BBX: variants seen among roughly 807,000 people sequenced by gnomAD.
BBX encodes HMG box transcription factor BBX.
BBX carries 30 observed loss-of-function variants against 100.2 expected under a neutral mutation model. That is an observed-to-expected ratio of 0.30 (90% CI 0.22 to 0.41). BBX has a LOEUF of 0.41. BBX is among the 10% of genes least tolerant of loss of function. The pLI is 1.00. For synonymous variants in BBX, 376 were observed against 388.1 expected (o/e 0.97, Z 0.37); for missense variants, 1,023 against 1,129.8 (o/e 0.91, Z 1.35).
chr3:107,576,897 T>TCC (rs2051822734), intron 2 of BBX, among the ~76,000 whole-genome samples: 1 of 152,170 alleles, frequency 6.6e-6, no homozygotes, highest in South Asian at 2.1e-4. Flanking sequence ...AGTCTCACTC[T>TCC]GTCTCCAGGC....
intron 15 of BBX, among the ~76,000 whole-genome samples, chr3:107,794,978 T>C (rs971695487): frequency 1.3e-5 from 2 of 152,190 alleles, no homozygotes; most frequent in African/African-American, 4.8e-5. Context: ...GCACCAAGTG[T>C]GTTATGGTTA....
At chr3:107,602,147 A>G (rs530581555) in intron 2 of BBX, among the ~76,000 whole-genome samples, 173 of 152,264 alleles carry the variant, frequency 1.1e-3, no homozygotes, top group African/African-American at 4.1e-3. Flanking sequence ...TCCTTTCAAA[A>G]TGTTTCTGCT....
chr3:107,596,126 T>C (rs553828738), intron 2 of BBX, among the ~76,000 whole-genome samples: 6 of 152,316 alleles, frequency 3.9e-5, no homozygotes, highest in Non-Finnish European at 7.3e-5. Flanking sequence ...CCTATATTGT[T>C]TAAGGGTCAA....
intron 2 of BBX, among the ~76,000 whole-genome samples, chr3:107,583,189 C>T (rs1029894547): frequency 6.6e-6 from 1 of 151,702 alleles, no homozygotes; most frequent in East Asian, 1.9e-4. Flanking sequence ...ATACAGAGGA[C>T]CTTCAGTGTT....
chr3:107,778,604 T>C (rs1227598751), intron 13 of BBX, 85 bp downstream of exon 13: 2 of 1,430,848 alleles, frequency 1.4e-6, no homozygotes, highest in East Asian at 4.6e-5. Flanking sequence ...TTTAGACATA[T>C]CATTGGATTT....
At chr3:107,560,903 AGAAG>A (rs2050444580) in intron 2 of BBX, among the ~76,000 whole-genome samples, 1 of 152,246 alleles carries the variant, frequency 6.6e-6, no homozygotes, top group Non-Finnish European at 1.5e-5. Context: ...CCAAATTAAA[AGAAG>A]GGAGAGACTG....
At chr3:107,610,440 G>A (rs539193566) in intron 2 of BBX, among the ~76,000 whole-genome samples, 1 of 151,990 alleles carries the variant, frequency 6.6e-6, no homozygotes, top group Non-Finnish European at 1.5e-5. Context: ...TGAAAGTGGG[G>A]TGTTGAAGTC....
At chr3:107,598,112 T>C (rs1388506199) in intron 2 of BBX, among the ~76,000 whole-genome samples, 1 of 152,180 alleles carries the variant, frequency 6.6e-6, no homozygotes, top group Non-Finnish European at 1.5e-5. Flanking sequence ...CTTCCAGAAG[T>C]TTGCTTATCC....
intron 5 of BBX, among the ~76,000 whole-genome samples, chr3:107,719,853 C>A (rs890008392): frequency 2.0e-5 from 3 of 151,982 alleles, no homozygotes; most frequent in Non-Finnish European, 4.4e-5. Context: ...TTTTTGCCTG[C>A]AATACTGCTG....
Position 107,627,668 on chromosome 3 carries a change from A to G in BBX, c.-83-18168A>G, listed in dbSNP as rs375225743. On this transcript the variant is annotated intron_variant, in intron 2 of 17. Transcript: ENST00000325805. ...CTTTCTCTAAGTTTAACTAGGTTCA[A>G]TTTTTTTTTTCTTTTCTAAATTGAC... 3.0e-4 allele frequency among the ~76,000 whole-genome samples: 45 copies of G among 150,038 alleles called. 1 individual carries two copies. The highest frequency in any genetic ancestry group is 1.8e-3 in the Admixed American group (27 of 15,034).
chr3:107,611,500 A>C (rs916842513), intron 2 of BBX, among the ~76,000 whole-genome samples: 13 of 152,168 alleles, frequency 8.5e-5, no homozygotes. Flanking sequence ...TTTTCACCAG[A>C]TATACTATTC....
At chr3:107,791,389 G>A in intron 15 of BBX, 90 bp downstream of exon 15, 2 of 1,114,270 alleles carry the variant, frequency 1.8e-6, no homozygotes, top group Non-Finnish European at 2.7e-6. Context: ...ATTTATATAG[G>A]TTTAAACAAC....
At chr3:107,782,918 T>G (rs773925454) in intron 13 of BBX, among the ~76,000 whole-genome samples, 7 of 151,928 alleles carry the variant, frequency 4.6e-5, no homozygotes. Context: ...GCTTGAGATA[T>G]CATAGTAGAG....
chr3:107,679,141 TAA>T (rs35708083), intron 3 of BBX, among the ~76,000 whole-genome samples: 9 of 143,830 alleles, frequency 6.3e-5, no homozygotes, highest in African/African-American at 7.7e-5. Flanking sequence ...AGGGCTTCAT[TAA>T]AAAAAAAAAA....
intron 3 of BBX, among the ~76,000 whole-genome samples, chr3:107,679,417 G>A (rs532130192): frequency 6.6e-6 from 1 of 152,022 alleles, no homozygotes; most frequent in South Asian, 2.1e-4. Context: ...TCTCAGCTTT[G>A]TCCAGGTCCT....
intron 13 of BBX, among the ~76,000 whole-genome samples, chr3:107,784,075 C>A (rs2107872498): frequency 6.6e-6 from 1 of 152,136 alleles, no homozygotes; most frequent in African/African-American, 2.4e-5. Flanking sequence ...GAGAACCTGT[C>A]ATGTGCTAAG....
At chr3:107,737,884 G>GATTTTT (rs2063743766) in intron 7 of BBX, among the ~76,000 whole-genome samples, 2 of 48,886 alleles carry the variant, frequency 4.1e-5, no homozygotes, top group Non-Finnish European at 6.9e-5. Context: ...CAGAGTTCCA[G>GATTTTT]TTTTTTTTTT....
At chr3:107,538,647 G>A (rs2048668624) in intron 2 of BBX, among the ~76,000 whole-genome samples, 1 of 151,840 alleles carries the variant, frequency 6.6e-6, no homozygotes, top group Admixed American at 6.6e-5. Flanking sequence ...TCTTCAATTA[G>A]CAGTGGCTGT....
At chr3:107,548,105 T>C (rs2049375411) in intron 2 of BBX, among the ~76,000 whole-genome samples, 1 of 152,218 alleles carries the variant, frequency 6.6e-6, no homozygotes, top group Admixed American at 6.5e-5. Context: ...GGACGTATGA[T>C]TGTGTGTCAG....
Sources: allele counts gnomAD v4.1 joint callset (sites outside exome capture counted in the v4.1 genomes callset), GRCh38; gene constraint gnomAD v4.1.1; transcripts MANE v1.5; gene names NCBI Gene and HGNC (gene_info 2026-07-23, HGNC 2026-07-21).